The following MS4A4A variants were observed in gnomAD, a reference collection of about 807,000 sequenced individuals.
The protein encoded by MS4A4A is membrane spanning 4-domains A4A, also known as membrane-spanning 4-domains subfamily A member 4A.
Under a neutral mutation model 28.0 loss-of-function variants are expected in MS4A4A, and 26 were observed. The observed-to-expected ratio is 0.93, with a 90% confidence interval of 0.68 to 1.29. MS4A4A has a LOEUF of 1.29. Ranked by LOEUF, MS4A4A falls within the 50% of genes most tolerant of loss-of-function variation. MS4A4A has a pLI of 0.00. For synonymous variants in MS4A4A, 86 were observed against 100.8 expected, an observed-to-expected ratio of 0.85 and a Z score of 0.88; for missense variants, 290 against 293.1, an observed-to-expected ratio of 0.99 and a Z score of 0.08.
Position 60,308,313 on chromosome 11 carries a change from A to G in MS4A4A, c.*135A>G. 2 of 748,540 alleles carry G rather than the reference A, an allele frequency of 2.7e-6. No homozygotes were observed. Among genetic ancestry groups the G allele is most frequent in the Non-Finnish European group, 4.4e-6 (2 of 453,754 alleles). The allele number at this position is 748,540 out of a possible 1,614,324, so 46.4% of individuals were successfully genotyped here. A position where few individuals can be genotyped will look rare whatever the true frequency, so the allele number is the denominator to read the frequency against. On this transcript the variant is annotated 3_prime_UTR_variant, in exon 7 of 7. Coordinates refer to ENST00000337908, the MANE Select transcript of MS4A4A (RefSeq NM_148975.3). ...TGATATTATTATTATATGTAATCCA[A>G]TTATGAACTGTGTGTGTATAGAGAG...
At chr11:60,281,080 C>T (rs1191746174) in intron 1 of MS4A4A, among the ~76,000 whole-genome samples, 1 of 152,098 alleles carries the variant, frequency 6.6e-6, no homozygotes, top group African/African-American at 2.4e-5. Flanking sequence ...CTTCTGTGGT[C>T]TTTATTCTCT....
rs2084948647 is a variant in MS4A4A, at chr11:60,301,007, A to G, written c.337A>G (p.Ile113Val). 6.2e-7 allele frequency: 1 copy of G among 1,604,134 alleles called. No homozygotes were observed. Among genetic ancestry groups the G allele is most frequent in the Non-Finnish European group, 8.5e-7 (1 of 1,176,490 alleles). The change falls in exon 4 of 7, where the codon ATT (isoleucine) becomes GTT (valine). Residue 113 changes from isoleucine to valine, a missense_variant. By Grantham distance (29) the Ile-to-Val change is conservative. Transcript: ENST00000337908. ...YTIWGSVMFI[I>V]SGSLSIAAGI... is the part of the protein sequence containing the mutation. ...TTTTTTCTCTCATTTTTAGTTTATTATTTCAGGATCCTTGTCAATTGCAGC... is the reference window on the plus strand; with the variant it reads ...TTTTTTCTCTCATTTTTAGTTTATTGTTTCAGGATCCTTGTCAATTGCAGC...
intron 1 of MS4A4A, among the ~76,000 whole-genome samples, chr11:60,285,138 G>A (rs1049139998): frequency 1.3e-5 from 2 of 152,028 alleles, no homozygotes; most frequent in East Asian, 1.9e-4. Flanking sequence ...AACCCTAAGA[G>A]GGCTATGGGA....
intron 1 of MS4A4A, among the ~76,000 whole-genome samples, 193 bp from the exon 2 acceptor site, chr11:60,292,032 C>T (rs1435914343): frequency 8.4e-5 from 1 of 11,924 alleles, no homozygotes; most frequent in Non-Finnish European, 4.4e-3. Context: ...CATTTAGTTT[C>T]TCTCCCACCT....
At chr11:60,302,518 G>T (rs1231956763) in intron 4 of MS4A4A, 41 bp from the exon 5 acceptor site, 1 of 1,596,656 alleles carries the variant, frequency 6.3e-7, no homozygotes, top group Non-Finnish European at 8.6e-7. Context: ...TATATCTGAG[G>T]ATGTTGTTGG....
At chr11:60,303,235 T>A (rs1032891187) in intron 5 of MS4A4A, among the ~76,000 whole-genome samples, 7 of 152,216 alleles carry the variant, frequency 4.6e-5, no homozygotes, top group Non-Finnish European at 8.8e-5. Context: ...TTACTACTTT[T>A]TTGTACCAAT....
intron 1 of MS4A4A, chr11:60,289,982 T>C: frequency 3.6e-6 from 1 of 279,446 alleles, no homozygotes; most frequent in African/African-American, 2.2e-5. Flanking sequence ...ATAAGTTATC[T>C]ATACTCTTTA....
At chr11:60,285,735 C>T (rs900949309) in intron 1 of MS4A4A, among the ~76,000 whole-genome samples, 1 of 152,088 alleles carries the variant, frequency 6.6e-6, no homozygotes, top group Non-Finnish European at 1.5e-5. Context: ...TCACAGAGAT[C>T]ACATGCTTCA....
intron 2 of MS4A4A, among the ~76,000 whole-genome samples, chr11:60,295,858 AT>A (rs906350128): frequency 1.1e-4 from 17 of 152,026 alleles, no homozygotes; most frequent in Admixed American, 4.6e-4. Flanking sequence ...ATGGTACACA[AT>A]TTTTTTGATG....
chr11:60,287,278 G>A (rs2084810980), intron 1 of MS4A4A, among the ~76,000 whole-genome samples: 1 of 152,196 alleles, frequency 6.6e-6, no homozygotes, highest in Admixed American at 6.5e-5. Context: ...AAGTCTAAAG[G>A]CATGCATGGT....
intron 2 of MS4A4A, among the ~76,000 whole-genome samples, chr11:60,294,885 AACT>A (rs1554993354): frequency 1.9e-5 from 2 of 104,546 alleles, no homozygotes; most frequent in African/African-American, 3.6e-5. Context: ...TTAGTCCTAC[AACT>A]ACTACTTCTT....
Position 60,302,638 on chromosome 11 carries a change from C to A in MS4A4A, c.467C>A (p.Ala156Glu), listed in dbSNP as rs201354974. ...ATCTTAATCAACACATTTAGCTTGG[C>A]GTTTTATTCATTCCATCACCCTTAC... is the stretch of plus-strand genomic sequence containing the variant. ...SGILINTFSL[A>E]FYSFHHPYCN... is the part of the protein sequence containing the mutation. The change falls in exon 5 of 7, where the codon GCG becomes GAG. Residue 156 changes from alanine to glutamate, a missense_variant. Physicochemically the swap from Ala to Glu is moderately radical, Grantham distance 107 (BLOSUM62 -1). Coordinates refer to ENST00000337908, the MANE Select transcript of MS4A4A (RefSeq NM_148975.3). The A allele has an allele frequency of 6.2e-5, 100 of 1,613,794 alleles. No homozygotes were observed. Among genetic ancestry groups the A allele is most frequent in the Non-Finnish European group, 7.9e-5 (93 of 1,179,844 alleles).
chr11:60,284,471 A>G (rs542939092), intron 1 of MS4A4A, among the ~76,000 whole-genome samples: 1 of 152,336 alleles, frequency 6.6e-6, no homozygotes, highest in Non-Finnish European at 1.5e-5. Context: ...ATAGAAAAGC[A>G]GATAAGAGGG....
chr11:60,305,483 C>G (rs1275326607), intron 5 of MS4A4A, among the ~76,000 whole-genome samples: 6 of 152,174 alleles, frequency 3.9e-5, no homozygotes, highest in East Asian at 3.8e-4. Context: ...CATCTTCTAC[C>G]TTCAAATCAA....
chr11:60,281,513 CT>C (rs2084755395), intron 1 of MS4A4A, among the ~76,000 whole-genome samples: 1 of 152,168 alleles, frequency 6.6e-6, no homozygotes, highest in African/African-American at 2.4e-5. Context: ...GCCTTTCCCC[CT>C]TTTCCCTTCC....
chr11:60,300,895 A>G (rs865899955), intron 3 of MS4A4A, 106 bp from the exon 4 acceptor site: 2 of 766,320 alleles, frequency 2.6e-6, no homozygotes, highest in Middle Eastern at 2.3e-4. Flanking sequence ...CTTTAAGATA[A>G]TTGGTCTGAT....
chr11:60,290,678 T>C (rs2084847097), intron 1 of MS4A4A, among the ~76,000 whole-genome samples: 1 of 151,926 alleles, frequency 6.6e-6, no homozygotes. Flanking sequence ...TAATTTTAAG[T>C]ATATACATTA....
intron 1 of MS4A4A, chr11:60,282,814 A>G: frequency 9.2e-7 from 1 of 1,089,160 alleles, no homozygotes; most frequent in Non-Finnish European, 1.2e-6. Context: ...CTTTATGCTA[A>G]GGGTGGTGAA....
At chr11:60,291,130 A>C (rs1229468595) in intron 1 of MS4A4A, among the ~76,000 whole-genome samples, 1 of 152,198 alleles carries the variant, frequency 6.6e-6, no homozygotes, top group African/African-American at 2.4e-5. Context: ...CTATCTCTAC[A>C]TGACTTGGTT....
Sources: allele counts gnomAD v4.1 joint callset (sites outside exome capture counted in the v4.1 genomes callset), GRCh38; gene constraint gnomAD v4.1.1; transcripts MANE v1.5; gene names NCBI Gene and HGNC (gene_info 2026-07-23, HGNC 2026-07-21).